NEDD4L: variants seen among roughly 807,000 people sequenced by gnomAD.
NEDD4L encodes NEDD4 like E3 ubiquitin protein ligase.
In NEDD4L, 54 loss-of-function variants were observed where a neutral mutation model predicts 148.9. The observed-to-expected ratio is 0.36, with a 90% CI of 0.29 to 0.45. NEDD4L has a LOEUF of 0.45. Among genes scored for constraint, NEDD4L ranks in the 20% least tolerant of loss-of-function variants. The pLI is 1.00. For missense variants in NEDD4L, 856 were observed against 1,233.8 expected, an observed-to-expected ratio of 0.69 and a Z score of 4.59; for synonymous variants, 433 against 440.7, an observed-to-expected ratio of 0.98 and a Z score of 0.22.
At chr18:58,386,251 C>T (rs2049003729) in intron 26 of NEDD4L, among the ~76,000 whole-genome samples, 1 of 152,152 alleles carries the variant, frequency 6.6e-6, no homozygotes, top group Non-Finnish European at 1.5e-5. Context: ...CGGGGTTTCA[C>T]CATGTTGGCC....
At chr18:58,093,583 A>G (rs2084204499) in intron 1 of NEDD4L, among the ~76,000 whole-genome samples, 1 of 152,190 alleles carries the variant, frequency 6.6e-6, no homozygotes, top group Admixed American at 6.5e-5. Flanking sequence ...CTGTGCGCAT[A>G]TTCATGTTTC....
intron 2 of NEDD4L, among the ~76,000 whole-genome samples, chr18:58,194,309 TC>T (rs1046955308): frequency 1.3e-5 from 2 of 152,148 alleles, no homozygotes; most frequent in African/African-American, 4.8e-5. Context: ...ACTCTGCATC[TC>T]CCCCTCCCAT....
intron 2 of NEDD4L, among the ~76,000 whole-genome samples, chr18:58,184,355 G>C (rs1023655681): frequency 2.6e-5 from 4 of 152,038 alleles, no homozygotes; most frequent in Non-Finnish European, 4.4e-5. Flanking sequence ...GCTTGGTGTG[G>C]TTTTGAAATG....
chr18:58,058,176 C>T (rs186202097), intron 1 of NEDD4L, among the ~76,000 whole-genome samples: 5 of 152,110 alleles, frequency 3.3e-5, no homozygotes, highest in African/African-American at 1.2e-4. Flanking sequence ...TGTGGTGGCA[C>T]GCACCTGTAA....
In NEDD4L at chr18:58,256,701, G is replaced by T; in HGVS notation, c.297+4647G>T. The T allele has an allele frequency of 8.1e-7, 1 of 1,232,200 alleles. No homozygotes were observed. Among genetic ancestry groups the T allele is most frequent in the Non-Finnish European group, 1.0e-6 (1 of 988,060 alleles). 76.3% of individuals were successfully genotyped at this position (1,232,200 alleles called of 1,614,324 possible). A position where few individuals can be genotyped will look rare whatever the true frequency, so the allele number is the denominator to read the frequency against. On this transcript the variant is annotated intron_variant, in intron 5 of 30. Coordinates refer to ENST00000400345, the MANE Select transcript of NEDD4L (RefSeq NM_001144967.3). This position sits in a 1 kb window ranked among gnomAD's most constrained non-coding sequence, Gnocchi z 5.2. ...CATTTTAGAATTCTTGTAACCCGGG[G>T]GCCGGAAGAAGCTCCCCAGAATCCC...
intron 1 of NEDD4L, among the ~76,000 whole-genome samples, chr18:58,083,690 A>AAAAG (rs1555685627): frequency 6.6e-6 from 1 of 151,614 alleles, no homozygotes; most frequent in East Asian, 1.9e-4. Flanking sequence ...TCCATCTCAA[A>AAAAG]AAACAAAAAA....
At chr18:58,241,671 G>T (rs970535216) in intron 2 of NEDD4L, among the ~76,000 whole-genome samples, 1 of 151,980 alleles carries the variant, frequency 6.6e-6, no homozygotes, top group African/African-American at 2.4e-5. Flanking sequence ...GGCACACTCT[G>T]TCACAATCAT....
intron 27 of NEDD4L, 107 bp downstream of exon 27, chr18:58,387,605 T>A: frequency 8.4e-7 from 1 of 1,195,422 alleles, no homozygotes; most frequent in Non-Finnish European, 1.1e-6. Context: ...TCCTAGAGAG[T>A]AACTTTAGAT....
chr18:58,199,440 C>G (rs2041142191), intron 2 of NEDD4L, among the ~76,000 whole-genome samples: 1 of 152,110 alleles, frequency 6.6e-6, no homozygotes, highest in African/African-American at 2.4e-5. Context: ...CACAGGATGG[C>G]ACCTGACACA....
intron 1 of NEDD4L, among the ~76,000 whole-genome samples, chr18:58,122,855 C>A (rs2030218319): frequency 6.6e-6 from 1 of 152,214 alleles, no homozygotes; most frequent in Non-Finnish European, 1.5e-5. Context: ...CCTGCCTCAG[C>A]CCCCTGAGTA....
At chr18:58,211,476 C>T (rs1009317809) in intron 2 of NEDD4L, among the ~76,000 whole-genome samples, 5 of 152,146 alleles carry the variant, frequency 3.3e-5, no homozygotes, top group African/African-American at 1.2e-4. Flanking sequence ...ATACCTGTAA[C>T]CTTCTTAGTG....
At position 58,357,197 on chromosome 18, in the gene NEDD4L, G is replaced by A; in HGVS notation, c.1712G>A (p.Ser571Asn). The A allele has an allele frequency of 1.3e-6, 2 of 1,597,134 alleles. No homozygotes were observed. The highest frequency in any genetic ancestry group is 8.5e-7 in the Non-Finnish European group (1 of 1,169,922). ...DGRTFYIDHNSKITQWEDPRL... is the reference protein window; with the variant it reads ...DGRTFYIDHNNKITQWEDPRL... ...TTTTTTTTTTTAACATTTTCAGATA[G>A]CAAAATTACTCAGTGGGAAGACCCA... The change falls in exon 19 of 31, where the codon AGC (serine) becomes AAC (asparagine). Residue 571 changes from serine (S) to asparagine (N), a missense_variant. Coordinates refer to ENST00000400345, the MANE Select transcript of NEDD4L (RefSeq NM_001144967.3).
At chr18:58,067,620 A>G (rs1392959426) in intron 1 of NEDD4L, among the ~76,000 whole-genome samples, 2 of 152,202 alleles carry the variant, frequency 1.3e-5, no homozygotes, top group African/African-American at 4.8e-5. Flanking sequence ...TGAGCTAGGA[A>G]GAGGAGTAGC....
At chr18:58,374,896 T>A (rs1412780008) in intron 24 of NEDD4L, among the ~76,000 whole-genome samples, 1 of 152,030 alleles carries the variant, frequency 6.6e-6, no homozygotes. Flanking sequence ...GCTGCACCCA[T>A]CTCCGCTCAC....
At chr18:58,302,303 C>T (rs1307467246) in intron 5 of NEDD4L, among the ~76,000 whole-genome samples, 3 of 152,172 alleles carry the variant, frequency 2.0e-5, no homozygotes, top group East Asian at 1.9e-4. Flanking sequence ...GGTTAGAGCA[C>T]GTTTTTTAGC....
chr18:58,248,458 A>G (rs1186145435), intron 3 of NEDD4L, among the ~76,000 whole-genome samples: 2 of 152,154 alleles, frequency 1.3e-5, no homozygotes, highest in Non-Finnish European at 2.9e-5. Context: ...CTCTCTATAA[A>G]ATGTTAAGAT....
chr18:58,242,578 G>A (rs1171542178), intron 2 of NEDD4L, among the ~76,000 whole-genome samples: 1 of 152,024 alleles, frequency 6.6e-6, no homozygotes, highest in Admixed American at 6.5e-5. Flanking sequence ...TCGGTTCGCT[G>A]CAGCCTCCAC....
chr18:58,258,267 C>G (rs925421432), intron 5 of NEDD4L, among the ~76,000 whole-genome samples: 2 of 152,142 alleles, frequency 1.3e-5, no homozygotes, highest in Non-Finnish European at 2.9e-5. Flanking sequence ...TAACGCCCAC[C>G]CCCAACAAAT....
chr18:58,274,547 G>T (rs1600551265), intron 5 of NEDD4L, among the ~76,000 whole-genome samples: 1 of 152,200 alleles, frequency 6.6e-6, no homozygotes, highest in East Asian at 1.9e-4. Context: ...AGTTGAAAGA[G>T]TGGGTATTTT....
Sources: gnomAD v4.1 joint callset for allele counts (sites outside exome capture counted in the v4.1 genomes callset) on GRCh38, gnomAD v4.1.1 for gene constraint, Gnocchi (gnomAD v3.1) non-coding constraint, MANE v1.5 for transcripts, NCBI Gene and HGNC (gene_info 2026-07-23, HGNC 2026-07-21) for gene names.